The following CHKA variants were observed in gnomAD, a reference collection of about 807,000 sequenced individuals.
CHKA encodes the protein CHETK-alpha.
A neutral mutation model predicts 60.1 loss-of-function variants in CHKA; 34 were observed. The observed-to-expected ratio is 0.57, with a 90% confidence interval of 0.43 to 0.75. The LOEUF (loss-of-function observed/expected upper bound fraction) is 0.75, where lower values mean the gene tolerates loss of function less well. Ranked by LOEUF, CHKA falls within the 30% of genes least tolerant of loss-of-function variation. The pLI, the probability that CHKA is intolerant of heterozygous loss-of-function variation, is 0.00. For synonymous variants in CHKA, 217 were observed against 223.1 expected (o/e 0.97, Z 0.24); for missense variants, 563 against 561.3 (o/e 1.00, Z -0.03).
intron 3 of CHKA, among the ~76,000 whole-genome samples, chr11:68,076,928 GAGA>G (rs1856811561): frequency 6.6e-6 from 1 of 152,190 alleles, no homozygotes; most frequent in South Asian, 2.1e-4. Context: ...GGTGTATGGA[GAGA>G]AGGATTTGGA....
intron 2 of CHKA, among the ~76,000 whole-genome samples, chr11:68,083,650 A>C (rs1463752347): frequency 6.6e-6 from 1 of 152,074 alleles, no homozygotes; most frequent in Non-Finnish European, 1.5e-5. Flanking sequence ...TGAGGCCCCA[A>C]AGTCTTTCCT....
In CHKA at chr11:68,065,833, G is replaced by A. The variant is rs1405346984; in HGVS notation, c.1078C>T (p.Pro360Ser). The change falls in exon 9 of 12, where the codon CCT becomes TCT. Residue 360 changes from proline to serine, a missense_variant. Pro to Ser is a moderately conservative substitution (Grantham distance 74). Transcript: ENST00000265689. ...TTCCGGATGTTTGCTCTGAAAAAAGGGTATTTTTCATAGCTATAATCATAC... is the reference window on the plus strand; with the variant it reads ...TTCCGGATGTTTGCTCTGAAAAAAGAGTATTTTTCATAGCTATAATCATAC... ...WMYDYSYEKY[P>S]FFRANIRKYP... is the part of the protein sequence containing the mutation. 9.3e-6 allele frequency: 15 copies of A among 1,604,544 alleles called. No individual in the cohort carries two copies. The Admixed American group carries it at 2.2e-4, about 23-fold the overall frequency.
intron 3 of CHKA, among the ~76,000 whole-genome samples, chr11:68,080,715 C>G (rs1565181275): frequency 1.3e-5 from 2 of 152,222 alleles, no homozygotes; most frequent in Non-Finnish European, 2.9e-5. Context: ...GTATCTACAT[C>G]TTAGACCCAC....
At chr11:68,070,949 T>C in intron 4 of CHKA, 92 bp from the exon 5 acceptor site, 2 of 1,324,788 alleles carry the variant, frequency 1.5e-6, no homozygotes, top group East Asian at 4.7e-5. Context: ...AGTGTTTTTG[T>C]AGTGCATTTA....
At chr11:68,115,387 T>C (rs577392284) in intron 1 of CHKA, among the ~76,000 whole-genome samples, 6 of 152,362 alleles carry the variant, frequency 3.9e-5, no homozygotes, top group South Asian at 2.1e-4. Context: ...TAGTGTGTTA[T>C]GGACTCTGAG....
chr11:68,109,151 G>A (rs765326217), intron 1 of CHKA, among the ~76,000 whole-genome samples: 2 of 146,158 alleles, frequency 1.4e-5, no homozygotes, highest in South Asian at 2.2e-4. Flanking sequence ...GTGCAGTGGC[G>A]CGATCTCGGC....
chr11:68,114,181 A>G (rs528326846), intron 1 of CHKA, among the ~76,000 whole-genome samples: 26 of 152,166 alleles, frequency 1.7e-4, no homozygotes, highest in African/African-American at 5.8e-4. Context: ...TTACAAAACT[A>G]AACGTAACTC....
chr11:68,073,925 T>C (rs1013578552), intron 4 of CHKA, among the ~76,000 whole-genome samples: 9 of 152,112 alleles, frequency 5.9e-5, no homozygotes, highest in African/African-American at 2.2e-4. Context: ...CTGATCTATC[T>C]AGGAAGAGAG....
intron 1 of CHKA, 69 bp from the exon 2 acceptor site, chr11:68,097,199 A>C: frequency 8.4e-7 from 1 of 1,185,338 alleles, no homozygotes; most frequent in East Asian, 2.4e-5. Context: ...TTGGATAAAT[A>C]TGGATGAAAA....
At chr11:68,114,619 C>A (rs1421382798) in intron 1 of CHKA, among the ~76,000 whole-genome samples, 1 of 151,844 alleles carries the variant, frequency 6.6e-6, no homozygotes, top group Non-Finnish European at 1.5e-5. Context: ...ATTGCCTGAA[C>A]CCGGAAGGCG....
chr11:68,062,288 C>T (rs557066871), intron 10 of CHKA, among the ~76,000 whole-genome samples: 3 of 152,318 alleles, frequency 2.0e-5, no homozygotes, highest in South Asian at 2.1e-4. Flanking sequence ...CCATGGCACA[C>T]GTAAATGCCA....
At chr11:68,113,376 A>T (rs926095777) in intron 1 of CHKA, among the ~76,000 whole-genome samples, 1 of 152,174 alleles carries the variant, frequency 6.6e-6, no homozygotes, top group East Asian at 1.9e-4. Context: ...GATTTTCATC[A>T]TATGTCATTA....
intron 1 of CHKA, among the ~76,000 whole-genome samples, chr11:68,100,937 C>CTTTTTT (rs758101816): frequency 1.3e-4 from 10 of 78,198 alleles, no homozygotes; most frequent in Non-Finnish European, 2.0e-4. Context: ...TAAAGAGGTT[C>CTTTTTT]TTTTTTTTTT....
intron 1 of CHKA, among the ~76,000 whole-genome samples, chr11:68,110,618 T>C (rs1858096603): frequency 6.6e-6 from 1 of 152,204 alleles, no homozygotes; most frequent in Non-Finnish European, 1.5e-5. Context: ...AGATGTCGGT[T>C]CTTCCCAACT....
intron 2 of CHKA, among the ~76,000 whole-genome samples, chr11:68,092,239 C>T (rs1171513131): frequency 6.6e-6 from 1 of 152,168 alleles, no homozygotes; most frequent in Non-Finnish European, 1.5e-5. Context: ...TCTGTATTTG[C>T]TCAGCCACAT....
rs61887546 is a variant in CHKA at position 68,066,585 on chromosome 11, C to T, written c.929-69G>A. 3,953 of 1,198,094 alleles carry T rather than the reference C, an allele frequency of 3.3e-3. 11 individuals carry two copies. Among genetic ancestry groups the T allele is most frequent in the Non-Finnish European group, 4.4e-3 (3,546 of 806,654 alleles). The allele number at this position is 1,198,094 out of a possible 1,614,324, so 74.2% of individuals were successfully genotyped here. The stretch of plus-strand genomic sequence containing the variant: ...GGCTCAAGTCCTTGAACAGCAGAGC[C>T]GAGAGAATGGATTTGATCCCTTAGG... On this transcript the variant is annotated intron_variant, in intron 7 of 11. Coordinates refer to ENST00000265689, the MANE Select transcript of CHKA (RefSeq NM_001277.3).
intron 2 of CHKA, among the ~76,000 whole-genome samples, chr11:68,092,419 A>G (rs770454443): frequency 6.6e-6 from 1 of 152,220 alleles, no homozygotes; most frequent in African/African-American, 2.4e-5. Context: ...TAGCAATTTC[A>G]TCACAGCTAG....
intron 2 of CHKA, among the ~76,000 whole-genome samples, chr11:68,083,074 G>A (rs981167247): frequency 2.0e-5 from 3 of 152,164 alleles, no homozygotes; most frequent in African/African-American, 4.8e-5. Flanking sequence ...CTTCCAAGCA[G>A]TCTGTAAATT....
intron 2 of CHKA, among the ~76,000 whole-genome samples, chr11:68,091,920 A>T (rs1857360821): frequency 1.3e-5 from 2 of 152,220 alleles, no homozygotes; most frequent in Admixed American, 1.3e-4. Context: ...ATACTAAACT[A>T]AATCTGTCAT....
Sources: allele counts gnomAD v4.1 joint callset (sites outside exome capture counted in the v4.1 genomes callset), GRCh38; gene constraint gnomAD v4.1.1; transcripts MANE v1.5; gene names NCBI Gene and HGNC (gene_info 2026-07-23, HGNC 2026-07-21).